Variants in EZR observed in about 807,000 individuals in gnomAD.
EZR encodes the protein ezrin, also known as cytovillin 2.
A neutral mutation model predicts 74.8 loss-of-function variants in EZR; 40 were observed. The ratio of observed to expected loss-of-function variants is 0.53; its 90% CI spans 0.42 to 0.70. The LOEUF (loss-of-function observed/expected upper bound fraction) is 0.70. Ranked by LOEUF, EZR falls within the 30% of genes least tolerant of loss-of-function variation. The pLI, the probability that EZR is intolerant of heterozygous loss-of-function variation, is 0.00. For missense variants in EZR, 678 were observed against 755.8 expected (o/e 0.90, Z 1.21); for synonymous variants, 341 against 283.3 (o/e 1.20, Z -2.05).
intron 8 of EZR, among the ~76,000 whole-genome samples, chr6:158,775,347 A>C (rs139035293): frequency 6.6e-6 from 1 of 152,322 alleles, no homozygotes; most frequent in Non-Finnish European, 1.5e-5. Flanking sequence ...GTTTTTAACA[A>C]AGAAGAAAAT....
chr6:158,776,595 C>A, intron 7 of EZR, 91 bp from the exon 8 acceptor site: 1 of 872,734 alleles, frequency 1.1e-6, no homozygotes, highest in South Asian at 1.7e-5. Flanking sequence ...CTTATTAGTT[C>A]AATTAAAATA....
At chr6:158,769,443 G>T (rs372065852) in intron 11 of EZR, 25 bp from the exon 12 acceptor site, 8 of 1,595,590 alleles carry the variant, frequency 5.0e-6, no homozygotes, top group Non-Finnish European at 6.8e-6. Flanking sequence ...CCAAGCTCAC[G>T]TCAGTTCTGA....
chr6:158,787,260 A>G, intron 3 of EZR, 57 bp from the exon 4 acceptor site: 2 of 1,448,024 alleles, frequency 1.4e-6, no homozygotes, highest in Non-Finnish European at 1.9e-6. Flanking sequence ...AAAGGGCAAC[A>G]GCTTTTGGCT....
At chr6:158,775,630 A>G (rs1562492435) in intron 8 of EZR, among the ~76,000 whole-genome samples, 1 of 152,250 alleles carries the variant, frequency 6.6e-6, no homozygotes, top group Non-Finnish European at 1.5e-5. Flanking sequence ...AATTCAGAAC[A>G]GGCTCTAAGG....
At chr6:158,777,604 C>A (rs1194221800) in intron 7 of EZR, among the ~76,000 whole-genome samples, 3 of 152,234 alleles carry the variant, frequency 2.0e-5, no homozygotes, top group Non-Finnish European at 4.4e-5. Context: ...CAACATCCCA[C>A]AAAAACCTTC....
chr6:158,800,359 G>A (rs558260590), intron 2 of EZR, among the ~76,000 whole-genome samples: 1 of 152,258 alleles, frequency 6.6e-6, no homozygotes, highest in East Asian at 1.9e-4. Context: ...ACCAAGGAAA[G>A]GAAGGGCTAG....
At chr6:158,779,930 C>T (rs1455742309) in intron 7 of EZR, among the ~76,000 whole-genome samples, 1 of 147,986 alleles carries the variant, frequency 6.8e-6, no homozygotes, top group Non-Finnish European at 1.5e-5. Context: ...ACACCTGTAT[C>T]CCAGCACTTT....
At chr6:158,790,424 C>T (rs1791708156) in intron 2 of EZR, among the ~76,000 whole-genome samples, 1 of 152,224 alleles carries the variant, frequency 6.6e-6, no homozygotes, top group African/African-American at 2.4e-5. Flanking sequence ...CCTGTAATCC[C>T]AGCACTTCGG....
chr6:158,814,740 A>C (rs1159125840), intron 2 of EZR, among the ~76,000 whole-genome samples: 2 of 151,958 alleles, frequency 1.3e-5, no homozygotes, highest in East Asian at 3.9e-4. Context: ...ATGGGGTTTC[A>C]CCATGTTGAC....
intron 10 of EZR, 40 bp downstream of exon 10, chr6:158,770,724 G>A (rs2128565964): frequency 6.2e-7 from 1 of 1,613,142 alleles, no homozygotes; most frequent in East Asian, 2.2e-5. Flanking sequence ...CTGTGGAAAT[G>A]CATGACCCAG....
chr6:158,802,428 A>T (rs891706882), intron 2 of EZR, among the ~76,000 whole-genome samples: 6 of 152,168 alleles, frequency 3.9e-5, no homozygotes, highest in Non-Finnish European at 8.8e-5. Context: ...TGCGTTGTTT[A>T]TACTCATTCA....
chr6:158,804,763 CTTATTTTT>C (rs1562505232), intron 2 of EZR, among the ~76,000 whole-genome samples: 26 of 132,192 alleles, frequency 2.0e-4, no homozygotes, highest in African/African-American at 6.9e-4. Context: ...TTCTTTTTTT[CTTATTTTT>C]TTTTATTATA....
intron 9 of EZR, 87 bp downstream of exon 9, chr6:158,771,157 A>C: frequency 1.3e-6 from 2 of 1,503,578 alleles, no homozygotes; most frequent in Admixed American, 4.3e-5. Context: ...TCTCCCCATC[A>C]GCTCCACAGT....
chr6:158,787,289 T>C (rs1268338885), intron 3 of EZR, 86 bp from the exon 4 acceptor site: 3 of 1,078,186 alleles, frequency 2.8e-6, no homozygotes. Flanking sequence ...TCACATGGTC[T>C]AGCAGAGTCC....
intron 2 of EZR, among the ~76,000 whole-genome samples, chr6:158,803,751 C>G (rs1777269784): frequency 1.3e-5 from 2 of 150,096 alleles, no homozygotes; most frequent in South Asian, 4.2e-4. Context: ...AATAGCTCTC[C>G]TTTTTCCTCT....
At chr6:158,802,592 C>T (rs543740226) in intron 2 of EZR, among the ~76,000 whole-genome samples, 17 of 152,256 alleles carry the variant, frequency 1.1e-4, no homozygotes, top group African/African-American at 3.6e-4. Context: ...AGTGCAGTGG[C>T]GCAATCTCGG....
At chr6:158,792,667 A>C (rs117086669) in intron 2 of EZR, among the ~76,000 whole-genome samples, 2,282 of 152,064 alleles carry the variant, frequency 0.015, 32 homozygotes, top group Non-Finnish European at 0.024. Context: ...AAAATAGAAA[A>C]GATTATCCAG....
chr6:158,810,665 C>CA (rs370638641), intron 2 of EZR, among the ~76,000 whole-genome samples: 113 of 152,270 alleles, frequency 7.4e-4, no homozygotes, highest in African/African-American at 2.6e-3. Flanking sequence ...TAAGATAACC[C>CA]AAACTGTTCA....
chr6:158,803,584 T>C (rs1458600066), intron 2 of EZR, among the ~76,000 whole-genome samples: 5 of 14,424 alleles, frequency 3.5e-4, no homozygotes, highest in Non-Finnish European at 5.1e-4. Context: ...TATATATACA[T>C]ATATATATAT....
Sources: gnomAD v4.1 joint callset for allele counts (sites outside exome capture counted in the v4.1 genomes callset) on GRCh38, gnomAD v4.1.1 for gene constraint, MANE v1.5 for transcripts, NCBI Gene and HGNC (gene_info 2026-07-23, HGNC 2026-07-21) for gene names.